Variants in DAP3 observed in about 807,000 individuals in gnomAD.
The protein encoded by DAP3 is small ribosomal subunit protein mS29.
DAP3 carries 28 observed loss-of-function variants against 51.9 expected under a neutral mutation model. That is an observed-to-expected ratio of 0.54 (90% CI 0.40 to 0.74). DAP3 has a LOEUF of 0.74. Among genes scored for constraint, DAP3 ranks in the 30% least tolerant of loss-of-function variants. The pLI, the probability that DAP3 is intolerant of heterozygous loss-of-function variation, is 0.00. For missense variants in DAP3, 458 were observed against 483.5 expected (o/e 0.95, Z 0.49); for synonymous variants, 170 against 170.3 (o/e 1.00, Z 0.01).
chr1:155,688,738 G>A (rs1653148198), upstream of DAP3: 16 of 1,431,718 alleles, frequency 1.1e-5, no homozygotes, highest in African/African-American at 1.4e-5. Context: ...GCCACCAACC[G>A]CCGCCAAAGC....
At chr1:155,688,765 C>G, upstream of DAP3, 2 of 1,529,116 alleles carry the variant, frequency 1.3e-6, no homozygotes, top group Non-Finnish European at 1.8e-6. Flanking sequence ...CGCCAGCACC[C>G]CCACCCTACA....
chr1:155,728,947 C>A lies in DAP3; in HGVS notation c.604-95C>A, dbSNP rs1323189160. On this transcript the variant is annotated intron_variant, in intron 7 of 12. Coordinates refer to ENST00000368336, the MANE Select transcript of DAP3 (RefSeq NM_004632.4). ...CTGAACAATAGATTAAAATGAACTCCTGTTAACCTTAGCCTCCAACCTTTT... is the reference window on the plus strand; with the variant it reads ...CTGAACAATAGATTAAAATGAACTCATGTTAACCTTAGCCTCCAACCTTTT... 4 of 1,157,802 alleles carry A rather than the reference C, an allele frequency of 3.5e-6. No homozygotes were observed. The African/African-American group carries it at 6.2e-5, about 18-fold the overall frequency. The allele number at this position is 1,157,802 out of a possible 1,614,324, so 71.7% of individuals were successfully genotyped here.
rs1660038791 is a variant in DAP3 at position 155,738,781 on chromosome 1, G to C, written c.*539G>C. 1 of 152,210 alleles carries C rather than the reference G, an allele frequency of 6.6e-6. No individual in the cohort carries two copies. Among genetic ancestry groups the C allele is most frequent in the Non-Finnish European group, 1.5e-5 (1 of 68,130 alleles). The allele number at this position is 152,210 out of a possible 1,614,324, so 9.4% of individuals were successfully genotyped here. A position where few individuals can be genotyped will look rare whatever the true frequency, so the allele number is the denominator to read the frequency against. On this transcript the variant is annotated 3_prime_UTR_variant, in exon 13 of 13. Coordinates refer to ENST00000368336, the MANE Select transcript of DAP3 (RefSeq NM_004632.4). ...GAGTTCAGGAGTTTGCAACCAGCCT[G>C]GGCAACATGGTGAAAACCTGTCTCT...
intron 1 of DAP3, among the ~76,000 whole-genome samples, chr1:155,697,055 G>A: frequency 6.6e-6 from 1 of 152,180 alleles, no homozygotes; most frequent in East Asian, 1.9e-4. Flanking sequence ...ATTCCAAGGA[G>A]AGAAAGTGGG....
rs777508861 is a variant in DAP3, at chr1:155,717,004, A to G, written c.46-2A>G. On this transcript the variant is annotated splice_acceptor_variant, in intron 2 of 12. Coordinates refer to ENST00000368336, the MANE Select transcript of DAP3 (RefSeq NM_004632.4). LOFTEE classifies it high-confidence loss of function. ...GTAACACTGAAATGGTTTCTCTTAT[A>G]GTTGGACCCTGGGCGTTTTTTACAC... The G allele has an allele frequency of 1.2e-6, 2 of 1,613,274 alleles. No homozygotes were observed. Among genetic ancestry groups the G allele is most frequent in the Admixed American group, 3.3e-5 (2 of 59,744 alleles).
chr1:155,733,561 G>A (rs1038949331), intron 11 of DAP3, among the ~76,000 whole-genome samples: 2 of 152,126 alleles, frequency 1.3e-5, no homozygotes, highest in East Asian at 3.8e-4. Context: ...TTCATTGGCC[G>A]GGTGTGATGG....
intron 1 of DAP3, among the ~76,000 whole-genome samples, chr1:155,691,655 T>G (rs952349625): frequency 4.2e-5 from 6 of 141,976 alleles, no homozygotes; most frequent in Admixed American, 6.6e-5. Flanking sequence ...TTTGAGGAAC[T>G]GCCAAACTTT....
chr1:155,706,151 C>T (rs1655937783), intron 1 of DAP3, among the ~76,000 whole-genome samples: 1 of 152,128 alleles, frequency 6.6e-6, no homozygotes, highest in Non-Finnish European at 1.5e-5. Context: ...AGTCCTGCAC[C>T]ACCCTGGCAA....
In DAP3 at chr1:155,738,245, C is replaced by T. The variant is rs374128163; in HGVS notation, c.*3C>T. On this transcript the variant is annotated 3_prime_UTR_variant, in exon 13 of 13. Transcript: ENST00000368336. ...AGCGGCACTGTGCCTACCTCTAAGC[C>T]AAGATCACAGCATGTGAGGAAGACA... The T allele has an allele frequency of 7.4e-6, 12 of 1,614,134 alleles. No individual in the cohort carries two copies. Among genetic ancestry groups the T allele is most frequent in the Non-Finnish European group, 9.3e-6 (11 of 1,180,010 alleles).
At chr1:155,703,242 A>G (rs1442439068) in intron 1 of DAP3, among the ~76,000 whole-genome samples, 2 of 152,336 alleles carry the variant, frequency 1.3e-5, no homozygotes, top group East Asian at 3.9e-4. Flanking sequence ...AAGAGGTTTA[A>G]TGGACTCACA....
intron 1 of DAP3, among the ~76,000 whole-genome samples, chr1:155,694,831 C>T (rs1001950407): frequency 5.3e-5 from 8 of 152,206 alleles, no homozygotes; most frequent in Admixed American, 1.3e-4. Flanking sequence ...GGTTTTCCTT[C>T]ATGAACATTT....
intron 2 of DAP3, among the ~76,000 whole-genome samples, chr1:155,713,153 G>A (rs1656922636): frequency 6.6e-6 from 1 of 152,102 alleles, no homozygotes; most frequent in Non-Finnish European, 1.5e-5. Context: ...AGGTGGGGAG[G>A]GAGAGATAAT....
intron 1 of DAP3, among the ~76,000 whole-genome samples, chr1:155,692,814 A>T (rs1391548029): frequency 7.0e-6 from 1 of 142,018 alleles, no homozygotes; most frequent in Non-Finnish European, 1.5e-5. Flanking sequence ...TTATTATACG[A>T]TCTCTCATCC....
intron 12 of DAP3, 72 bp downstream of exon 12, chr1:155,737,135 CTCT>C: frequency 9.5e-7 from 1 of 1,050,720 alleles, no homozygotes; most frequent in Non-Finnish European, 1.5e-6. Flanking sequence ...GAGCCTTGAT[CTCT>C]TCTTCCCTTA....
At chr1:155,708,540 G>GTTTTTTTTTTTTTT (rs151238139) in intron 1 of DAP3, among the ~76,000 whole-genome samples, 2 of 103,266 alleles carry the variant, frequency 1.9e-5, no homozygotes, top group Non-Finnish European at 3.7e-5. Context: ...TTCTGTTTTT[G>GTTTTTTTTTTTTTT]TTTTTTTTTT....
At position 155,737,020 on chromosome 1, in the gene DAP3, T is replaced by C. The variant is rs555635865; in HGVS notation, c.1068T>C (p.Cys356=). Residue 356 remains cysteine (C), a synonymous_variant, in exon 12 of 13, where the codon TGT becomes TGC. Transcript: ENST00000368336. ...ATAACCCAAAGGAATTTGAAAGTTG[T>C]ATTCAGTATTATTTGGAAAACAATT... ...SNYNPKEFES[C]IQYYLENNWL... 1.2e-6 allele frequency: 2 copies of C among 1,614,116 alleles called. No individual in the cohort carries two copies. The highest frequency in any genetic ancestry group is 4.5e-5 in the East Asian group (2 of 44,874).
intron 1 of DAP3, among the ~76,000 whole-genome samples, chr1:155,700,469 T>C (rs1655052271): frequency 6.6e-6 from 1 of 152,198 alleles, no homozygotes; most frequent in Non-Finnish European, 1.5e-5. Flanking sequence ...CACATGATAA[T>C]GAAGATTTAC....
At chr1:155,715,824 A>C (rs1379231958) in intron 2 of DAP3, among the ~76,000 whole-genome samples, 1 of 152,190 alleles carries the variant, frequency 6.6e-6, no homozygotes, top group African/African-American at 2.4e-5. Flanking sequence ...TTCGGTGTAC[A>C]GTTCACTGAG....
Position 155,736,942 on chromosome 1 carries a change from C to T in DAP3, c.994-4C>T, listed in dbSNP as rs754379501. On this transcript the variant is annotated splice_polypyrimidine_tract_variant and splice_region_variant and intron_variant, in intron 11 of 12. Transcript: ENST00000368336. The stretch of plus-strand genomic sequence containing the variant: ...CATGTTTCCTGATCCTTTTTCTTCC[C>T]CAGGAAGGATTTGATGCCCTGGATC... 1.9e-6 allele frequency: 3 copies of T among 1,606,982 alleles called. No individual in the cohort carries two copies. In the Admixed American group the frequency reaches 5.0e-5, roughly 27 times the overall value.
Sources: gnomAD v4.1 joint callset for allele counts (sites outside exome capture counted in the v4.1 genomes callset) on GRCh38, gnomAD v4.1.1 for gene constraint, MANE v1.5 for transcripts, NCBI Gene and HGNC (gene_info 2026-07-23, HGNC 2026-07-21) for gene names.